Variants in ATP2B4 observed in about 807,000 individuals in gnomAD.
ATP2B4 encodes plasma membrane calcium-transporting ATPase 4.
Under a neutral mutation model 110.3 loss-of-function variants are expected in ATP2B4, and 39 were observed. The ratio of observed to expected loss-of-function variants is 0.35; its 90% confidence interval spans 0.27 to 0.46. ATP2B4 has a LOEUF of 0.46. ATP2B4 is among the 20% of genes least tolerant of loss of function. The pLI, the probability that ATP2B4 is intolerant of heterozygous loss-of-function variation, is 1.00. For synonymous variants in ATP2B4, 538 were observed against 571.7 expected (o/e 0.94, Z 0.84); for missense variants, 1,135 against 1,530.9 (o/e 0.74, Z 4.32).
At chr1:203,717,461 C>A (rs1196283992) in intron 15 of ATP2B4, among the ~76,000 whole-genome samples, 3 of 151,978 alleles carry the variant, frequency 2.0e-5, no homozygotes, top group African/African-American at 7.3e-5. Context: ...CACCATTAGG[C>A]AGAAGAGGCC....
intron 1 of ATP2B4, among the ~76,000 whole-genome samples, chr1:203,672,322 C>CTTTTTTTTT (rs1558026410): frequency 1.3e-5 from 1 of 76,888 alleles, no homozygotes; most frequent in African/African-American, 5.1e-5. Context: ...GTTGCGGTGG[C>CTTTTTTTTT]TCTTTTTTTT....
At position 203,699,474 on chromosome 1, in the gene ATP2B4, G is replaced by A. The variant is rs939118131; in HGVS notation, c.406G>A (p.Ala136Thr). ...TCCTGGGATAGTGTGTGGTCAAGTC[G>A]CAACTACCCCAGAAGATGAAAATGA... ...GEENELCGQV[A>T]TTPEDENEAQ... The change falls in exon 4 of 21, where the codon GCA (alanine) becomes ACA (threonine). Residue 136 changes from alanine to threonine, a missense_variant. Ala to Thr is a moderately conservative substitution (Grantham distance 58). Coordinates refer to ENST00000357681, the MANE Select transcript of ATP2B4 (RefSeq NM_001684.5). The A allele has an allele frequency of 3.4e-5, 55 of 1,613,974 alleles. 1 individual carries two copies. Among genetic ancestry groups the A allele is most frequent in the African/African-American group, 1.6e-4 (12 of 74,892 alleles).
At chr1:203,724,498 C>T (rs1174104532) in intron 19 of ATP2B4, among the ~76,000 whole-genome samples, 1 of 150,570 alleles carries the variant, frequency 6.6e-6, no homozygotes, top group African/African-American at 2.4e-5. Context: ...GCCTGGGCGA[C>T]AGAGCAAGAC....
chr1:203,714,549 G>A (rs1666105050), intron 15 of ATP2B4, among the ~76,000 whole-genome samples: 1 of 152,200 alleles, frequency 6.6e-6, no homozygotes, highest in African/African-American at 2.4e-5. Context: ...ATGTGAGGTT[G>A]TCAACTAGGC....
At chr1:203,706,499 G>T (rs12069894) in intron 8 of ATP2B4, among the ~76,000 whole-genome samples, 2,805 of 152,312 alleles carry the variant, frequency 0.018, 96 homozygotes, top group African/African-American at 0.064. Flanking sequence ...AGTTAGTCAT[G>T]CAGGTGATAC....
At position 203,740,011 on chromosome 1, in the gene ATP2B4, G is replaced by T. The variant is rs1389227015; in HGVS notation, c.*157G>T. 13 of 817,904 alleles carry T rather than the reference G, an allele frequency of 1.6e-5. No individual in the cohort carries two copies. Among genetic ancestry groups the T allele is most frequent in the African/African-American group, 3.5e-5 (2 of 57,610 alleles). The allele number at this position is 817,904 out of a possible 1,614,324, so 50.7% of individuals were successfully genotyped here. On this transcript the variant is annotated 3_prime_UTR_variant, in exon 21 of 21. Coordinates refer to ENST00000357681, the MANE Select transcript of ATP2B4 (RefSeq NM_001684.5). ...TCTACCTGACCATGAAGAGGCAAGA[G>T]CACAGACTTACAAGGATTTCAACTT...
At position 203,658,999 on chromosome 1, in the gene ATP2B4, G is replaced by A. The variant is rs554330840; in HGVS notation, c.-464-23743G>A. On this transcript the variant is annotated intron_variant, in intron 1 of 20. Transcript: ENST00000357681. ...AGCCTGGGTGACAAAGTGAGACTGC[G>A]TCTGAAAAAAAAAAAATTAGAAGGT... Among the ~76,000 whole-genome samples, 34 of 150,978 alleles carry A rather than the reference G, an allele frequency of 2.3e-4. No homozygotes were observed. In the South Asian group the frequency reaches 3.4e-3, roughly 15 times the overall value.
rs2228446 is a variant in ATP2B4 at position 203,700,243 on chromosome 1, G to A, written c.687G>A (p.Gly229=). The change falls in exon 5 of 21, where the codon GGG becomes GGA. Residue 229 remains glycine (G), a synonymous_variant. Coordinates refer to ENST00000357681, the MANE Select transcript of ATP2B4 (RefSeq NM_001684.5). ...LLPADGILIQ[G]NDLKIDESSL... Reference sequence around the variant, plus strand: ...CTGCAGATGGAATCCTGATCCAAGGGAATGATCTGAAGATTGATGAGAGCT... The same window carrying A: ...CTGCAGATGGAATCCTGATCCAAGGAAATGATCTGAAGATTGATGAGAGCT... The A allele has an allele frequency of 0.015, 24,353 of 1,613,832 alleles. 236 individuals are homozygous for A. Among genetic ancestry groups the A allele is most frequent in the Non-Finnish European group, 0.018 (21,501 of 1,179,822 alleles).
intron 1 of ATP2B4, among the ~76,000 whole-genome samples, chr1:203,680,186 T>G (rs1346962806): frequency 6.6e-6 from 1 of 152,160 alleles, no homozygotes; most frequent in Non-Finnish European, 1.5e-5. Flanking sequence ...TGGTTATTGT[T>G]AATGAAGCTG....
chr1:203,686,816 C>G (rs546637525), intron 2 of ATP2B4, among the ~76,000 whole-genome samples: 1 of 148,446 alleles, frequency 6.7e-6, no homozygotes, highest in Non-Finnish European at 1.5e-5. Context: ...GCTTCAGACT[C>G]CCAAGTAGCT....
intron 1 of ATP2B4, among the ~76,000 whole-genome samples, chr1:203,666,512 G>A (rs925680632): frequency 1.1e-4 from 17 of 152,170 alleles, no homozygotes; most frequent in African/African-American, 4.1e-4. Context: ...CTTTCCCAAA[G>A]TAGCTTAATT....
At chr1:203,707,718 A>T in intron 9 of ATP2B4, 144 bp from the exon 10 acceptor site, 1 of 1,159,552 alleles carries the variant, frequency 8.6e-7, no homozygotes, top group South Asian at 1.4e-5. Flanking sequence ...GGCATGAATC[A>T]CTGCACCCAG....
At chr1:203,717,751 C>G (rs901153857) in intron 15 of ATP2B4, among the ~76,000 whole-genome samples, 1 of 151,898 alleles carries the variant, frequency 6.6e-6, no homozygotes, top group African/African-American at 2.4e-5. Context: ...AAACAATTCT[C>G]CTGCCTCAGC....
In ATP2B4 at chr1:203,683,126, C is replaced by G; in HGVS notation, c.-80C>G. 6.7e-7 allele frequency: 1 copy of G among 1,485,718 alleles called. No individual in the cohort carries two copies. The highest frequency in any genetic ancestry group is 2.0e-5 in the Admixed American group (1 of 50,048). 92.0% of individuals were successfully genotyped at this position (1,485,718 alleles called of 1,614,324 possible). On this transcript the variant is annotated 5_prime_UTR_variant, in exon 2 of 21. Coordinates refer to ENST00000357681, the MANE Select transcript of ATP2B4 (RefSeq NM_001684.5). Reference sequence around the variant, plus strand: ...AGCAAGAAGTAGGAAGAAGTTGAGACAGGGAGGCAGGAGACACTGGTCAGT... The same window carrying G: ...AGCAAGAAGTAGGAAGAAGTTGAGAGAGGGAGGCAGGAGACACTGGTCAGT...
chr1:203,645,948 T>C (rs1385835501), intron 1 of ATP2B4, among the ~76,000 whole-genome samples: 1 of 152,122 alleles, frequency 6.6e-6, no homozygotes, highest in Non-Finnish European at 1.5e-5. Context: ...CGTATGATCA[T>C]TCTTGTTTCA....
At chr1:203,721,685 CAG>C (rs1294989416) in intron 17 of ATP2B4, among the ~76,000 whole-genome samples, 3 of 125,210 alleles carry the variant, frequency 2.4e-5, no homozygotes, top group East Asian at 2.8e-4. Context: ...TTTTTGGAGA[CAG>C]AGTCTCGCTC....
Position 203,712,083 on chromosome 1 carries a change from T to G in ATP2B4, c.2155T>G (p.Phe719Val), listed in dbSNP as rs1166754892. The change falls in exon 13 of 21, where the codon TTC (phenylalanine) becomes GTC (valine). Residue 719 changes from phenylalanine to valine, a missense_variant. Phe to Val is a conservative substitution (Grantham distance 50). This residue lies in a region of ATP2B4 where 368 missense variants were observed against 455.9 expected (regional missense o/e 0.81). Transcript: ENST00000357681. ...KCGILTPGDD[F>V]LCLEGKEFNR... ...TGGCATTCTGACACCTGGGGATGAC[T>G]TCCTGTGCTTAGAAGGCAAAGAATT... 4 of 1,614,194 alleles carry G rather than the reference T, an allele frequency of 2.5e-6. No homozygotes were observed. The highest frequency in any genetic ancestry group is 3.4e-6 in the Non-Finnish European group (4 of 1,180,020).
intron 1 of ATP2B4, among the ~76,000 whole-genome samples, chr1:203,678,165 A>T (rs1408260861): frequency 6.6e-6 from 1 of 151,914 alleles, no homozygotes; most frequent in Non-Finnish European, 1.5e-5. Flanking sequence ...TAGCGGGGAG[A>T]CTCAGGGGGT....
At chr1:203,698,113 C>T in intron 2 of ATP2B4, 44 bp from the exon 3 acceptor site, 3 of 1,588,116 alleles carry the variant, frequency 1.9e-6, no homozygotes, top group Non-Finnish European at 2.6e-6. Context: ...TTATCATTTT[C>T]CTTTTTTCCT....
Sources: allele counts gnomAD v4.1 joint callset (sites outside exome capture counted in the v4.1 genomes callset), GRCh38; gene constraint gnomAD v4.1.1; regional missense constraint gnomAD v4.1.1; transcripts MANE v1.5; gene names NCBI Gene and HGNC (gene_info 2026-07-23, HGNC 2026-07-21).